Variants in ZFHX3 observed in about 807,000 individuals in gnomAD.
The protein encoded by ZFHX3 is zinc finger homeobox protein 3.
A neutral mutation model predicts 279.1 loss-of-function variants in ZFHX3; 42 were observed. That is an observed-to-expected ratio of 0.15 (90% CI 0.12 to 0.19). The LOEUF is 0.19. ZFHX3 is among the 10% of genes least tolerant of loss of function. The pLI is 1.00. For synonymous variants in ZFHX3, 2,293 were observed against 1,957.8 expected (o/e 1.17, Z -4.52); for missense variants, 4,981 against 4,754.0 (o/e 1.05, Z -1.40).
intron 3 of ZFHX3, among the ~76,000 whole-genome samples, chr16:73,320,542 T>G (rs1362759597): frequency 6.6e-6 from 1 of 152,178 alleles, no homozygotes; most frequent in Non-Finnish European, 1.5e-5. Context: ...ATAGTGACAA[T>G]TTTTCCTCCT....
intron 3 of ZFHX3, among the ~76,000 whole-genome samples, chr16:73,403,446 G>T (rs561757558): frequency 5.9e-5 from 9 of 152,328 alleles, no homozygotes; most frequent in African/African-American, 9.6e-5. Context: ...GTGTGTGAAG[G>T]CGCAGGAGCG....
At position 73,589,259 on chromosome 16, in the gene ZFHX3, C is replaced by CAAAA. The variant is rs34481194; in HGVS notation, c.-1547+90917_-1547+90920dup. Among the ~76,000 whole-genome samples, 5 of 30,954 alleles carry CAAAA rather than the reference C, an allele frequency of 1.6e-4. 2 individuals carry two copies. The highest frequency in any genetic ancestry group is 2.7e-4 in the Non-Finnish European group (5 of 18,842). The allele number at this position is 30,954 out of a possible 152,430, so 20.3% of individuals were successfully genotyped here. ...TGGGCGACAGAGCAAGATTCTGTCT[C>CAAAA]AAAAAAAAAAAAAAAAAAAAAAAAA... is the stretch of plus-strand genomic sequence containing the variant. On this transcript the variant is annotated intron_variant, in intron 2 of 17. Transcript: ENST00000641206.
At chr16:73,394,296 T>C (rs2017082216) in intron 3 of ZFHX3, among the ~76,000 whole-genome samples, 1 of 151,360 alleles carries the variant, frequency 6.6e-6, no homozygotes. Context: ...TTGATATATA[T>C]ATACATATTT....
intron 1 of ZFHX3, among the ~76,000 whole-genome samples, chr16:73,039,173 G>T (rs769444143): frequency 6.6e-6 from 1 of 151,226 alleles, no homozygotes; most frequent in Non-Finnish European, 1.5e-5. Flanking sequence ...GCCCAGGCAG[G>T]TCTCAAGCCC....
intron 5 of ZFHX3, among the ~76,000 whole-genome samples, chr16:72,816,505 C>T (rs1445966031): frequency 6.6e-6 from 1 of 152,202 alleles, no homozygotes; most frequent in Non-Finnish European, 1.5e-5. Flanking sequence ...AGGACGTGAG[C>T]TATGGATTCC....
upstream of ZFHX3, among the ~76,000 whole-genome samples, chr16:73,052,115 C>A (rs1173884240): frequency 6.6e-6 from 1 of 151,758 alleles, no homozygotes; most frequent in East Asian, 1.9e-4. Flanking sequence ...CCACTGAATT[C>A]TTGGAGGGGA....
intron 1 of ZFHX3, among the ~76,000 whole-genome samples, chr16:73,876,406 T>C (rs2029948816): frequency 6.6e-6 from 1 of 152,224 alleles, no homozygotes; most frequent in Admixed American, 6.5e-5. Context: ...CAGGCTAATA[T>C]ATTTAATACA....
chr16:73,609,810 T>A (rs1292265141), intron 2 of ZFHX3: 1 of 152,230 alleles, frequency 6.6e-6, no homozygotes, highest in Non-Finnish European at 1.5e-5. Flanking sequence ...AATCCTAATT[T>A]CATTCTAGCA....
chr16:73,749,531 A>AT (rs1567397448), intron 1 of ZFHX3, among the ~76,000 whole-genome samples: 1 of 152,234 alleles, frequency 6.6e-6, no homozygotes, highest in Non-Finnish European at 1.5e-5. Context: ...CTTCATCTCT[A>AT]TTTTTTTGTT....
At chr16:72,985,015 C>T (rs575725224) in intron 1 of ZFHX3, among the ~76,000 whole-genome samples, 7 of 152,130 alleles carry the variant, frequency 4.6e-5, no homozygotes, top group East Asian at 3.9e-4. Context: ...CCAACACACA[C>T]GTACCCCTAC....
intron 1 of ZFHX3, among the ~76,000 whole-genome samples, chr16:73,841,458 G>T (rs139430046): frequency 6.6e-6 from 1 of 152,234 alleles, no homozygotes; most frequent in Non-Finnish European, 1.5e-5. Flanking sequence ...GGGCTTGGAG[G>T]GGCTGAGTCG....
chr16:72,823,214 C>A (rs1321400220), intron 5 of ZFHX3, among the ~76,000 whole-genome samples: 1 of 152,184 alleles, frequency 6.6e-6, no homozygotes, highest in Non-Finnish European at 1.5e-5. Flanking sequence ...CCATGAACCA[C>A]AAAGGGGCCA....
intron 4 of ZFHX3, among the ~76,000 whole-genome samples, chr16:73,286,473 G>A (rs151200237): frequency 1.3e-5 from 2 of 152,304 alleles, no homozygotes; most frequent in East Asian, 3.9e-4. Context: ...CAAATTGTGT[G>A]GTTGGTGTAC....
intron 1 of ZFHX3, among the ~76,000 whole-genome samples, chr16:72,969,663 C>T (rs1962010872): frequency 6.6e-6 from 1 of 152,114 alleles, no homozygotes; most frequent in Non-Finnish European, 1.5e-5. Context: ...ACAAAGGCAA[C>T]CCAGATTCCA....
chr16:72,863,366 A>C (rs2037932198), intron 4 of ZFHX3, among the ~76,000 whole-genome samples: 1 of 149,842 alleles, frequency 6.7e-6, no homozygotes, highest in Non-Finnish European at 1.5e-5. Flanking sequence ...AAAAAAAAAA[A>C]ATTTAGCCAG....
intron 2 of ZFHX3, among the ~76,000 whole-genome samples, chr16:73,676,106 A>T (rs1446515132): frequency 6.6e-6 from 1 of 152,142 alleles, no homozygotes; most frequent in South Asian, 2.1e-4. Flanking sequence ...GAAAAAGTAT[A>T]AGAATCATAT....
chr16:72,828,403 T>C (rs2036984108), intron 5 of ZFHX3, among the ~76,000 whole-genome samples: 1 of 152,234 alleles, frequency 6.6e-6, no homozygotes. Context: ...TCAGCTCTTC[T>C]TCCCCTCAAC....
chr16:72,803,798 A>G (rs1567523274), intron 7 of ZFHX3, among the ~76,000 whole-genome samples: 1 of 152,240 alleles, frequency 6.6e-6, no homozygotes, highest in Non-Finnish European at 1.5e-5. Flanking sequence ...ATGAGAAGAC[A>G]AAAGTTTTTC....
chr16:73,031,110 C>G (rs1567641586), intron 1 of ZFHX3, among the ~76,000 whole-genome samples: 2 of 152,118 alleles, frequency 1.3e-5, no homozygotes, highest in African/African-American at 4.8e-5. Context: ...CCCAATACTC[C>G]CAAGAGGTCA....
Sources: gnomAD v4.1 joint callset for allele counts (sites outside exome capture counted in the v4.1 genomes callset) on GRCh38, gnomAD v4.1.1 for gene constraint, MANE v1.5 for transcripts, NCBI Gene and HGNC (gene_info 2026-07-23, HGNC 2026-07-21) for gene names.